The following CC2D2A variants were observed in gnomAD, a reference collection of about 807,000 sequenced individuals.
The protein encoded by CC2D2A is coiled-coil and C2 domain containing 2A, also known as coiled-coil and C2 domain-containing protein 2A.
CC2D2A carries 155 observed loss-of-function variants against 212.9 expected under a neutral mutation model. The ratio of observed to expected loss-of-function variants is 0.73; its 90% CI spans 0.64 to 0.83. The LOEUF (loss-of-function observed/expected upper bound fraction) is 0.83. Among genes scored for constraint, CC2D2A ranks in the 40% least tolerant of loss-of-function variants. The pLI is 0.00. For missense variants in CC2D2A, 1,856 were observed against 1,956.2 expected (o/e 0.95, Z 0.97); for synonymous variants, 667 against 686.5 (o/e 0.97, Z 0.44).
In CC2D2A at chr4:15,510,228, G is replaced by T; in HGVS notation, c.528G>T (p.Lys176Asn). The T allele has an allele frequency of 6.2e-7, 1 of 1,609,152 alleles. No individual in the cohort carries two copies. Among genetic ancestry groups the T allele is most frequent in the Non-Finnish European group, 8.5e-7 (1 of 1,178,630 alleles). ...VKFHDSARKI[K>N]PKPQVPPGFP... The stretch of plus-strand genomic sequence containing the variant: ...TCCATGATTCTGCACGAAAAATCAA[G>T]CCTAAACCCCAGGTGAGAAATCTTG... The change falls in exon 7 of 37, where the codon AAG (lysine) becomes AAT (asparagine). Residue 176 changes from lysine to asparagine, a missense_variant. Physicochemically the swap from Lys to Asn is moderately conservative, Grantham distance 94. Coordinates refer to ENST00000424120, the MANE Select transcript of CC2D2A (RefSeq NM_001378615.1).
At chr4:15,543,150 C>T (rs556569268) in intron 17 of CC2D2A, among the ~76,000 whole-genome samples, 1 of 152,092 alleles carries the variant, frequency 6.6e-6, no homozygotes, top group Non-Finnish European at 1.5e-5. Context: ...ATTTACAAAG[C>T]ACCAAGCATC....
chr4:15,585,602 T>A (rs564006476), intron 30 of CC2D2A, among the ~76,000 whole-genome samples: 10 of 152,286 alleles, frequency 6.6e-5, no homozygotes, highest in African/African-American at 2.4e-4. Flanking sequence ...TAATAATGTA[T>A]AGTATATTTC....
chr4:15,482,102 T>C, intron 4 of CC2D2A: 1 of 985,460 alleles, frequency 1.0e-6, no homozygotes, highest in Non-Finnish European at 1.2e-6. Flanking sequence ...ACATAATTGT[T>C]AGACTGTTTT....
rs368466911 is a variant in CC2D2A, at chr4:15,556,729, A to C, written c.2626-575A>C. On this transcript the variant is annotated intron_variant, in intron 20 of 36. Coordinates refer to ENST00000424120, the MANE Select transcript of CC2D2A (RefSeq NM_001378615.1). The stretch of plus-strand genomic sequence containing the variant: ...GCAGTCCACATCTGCTCAGCTTCTC[A>C]GAGGTGCCAGACTTGGCCTTCTTGA... Among the ~76,000 whole-genome samples, 232 of 152,298 alleles carry C rather than the reference A, an allele frequency of 1.5e-3. 2 individuals carry two copies. Among genetic ancestry groups the C allele is most frequent in the African/African-American group, 5.2e-3 (218 of 41,568 alleles).
chr4:15,516,582 C>T (rs370746121), intron 10 of CC2D2A, 43 bp from the exon 11 acceptor site: 62 of 1,579,978 alleles, frequency 3.9e-5, no homozygotes, highest in Non-Finnish European at 4.9e-5. Flanking sequence ...ATTTTCTGTT[C>T]GATTAGAAGA....
At chr4:15,565,124 C>T (rs1719822566) in intron 24 of CC2D2A, among the ~76,000 whole-genome samples, 1 of 152,222 alleles carries the variant, frequency 6.6e-6, no homozygotes, top group African/African-American at 2.4e-5. Flanking sequence ...GCATTGCTTT[C>T]CTGAGCTCAC....
chr4:15,556,296 G>A (rs1228639393), intron 20 of CC2D2A, among the ~76,000 whole-genome samples: 1 of 152,156 alleles, frequency 6.6e-6, no homozygotes, highest in Non-Finnish European at 1.5e-5. Flanking sequence ...TAGCCGGCAT[G>A]AACATTTTCA....
chr4:15,504,916 GAT>G (rs1296831873), intron 6 of CC2D2A, among the ~76,000 whole-genome samples: 1 of 152,162 alleles, frequency 6.6e-6, no homozygotes, highest in Non-Finnish European at 1.5e-5. Flanking sequence ...GAAGAGCACA[GAT>G]GCTGAACTTC....
intron 8 of CC2D2A, among the ~76,000 whole-genome samples, chr4:15,513,842 T>C (rs944965179): frequency 6.6e-6 from 1 of 152,248 alleles, no homozygotes; most frequent in Non-Finnish European, 1.5e-5. Flanking sequence ...GGTTTCTACA[T>C]AGATTCCCTT....
At chr4:15,567,182 C>G (rs1202058131) in intron 24 of CC2D2A, among the ~76,000 whole-genome samples, 195 bp from the exon 25 acceptor site, 2 of 151,994 alleles carry the variant, frequency 1.3e-5, no homozygotes, top group Admixed American at 6.6e-5. Flanking sequence ...ACTTGGGAGG[C>G]TGAGGTGGGA....
At chr4:15,470,962 G>C (rs1056353497) in intron 1 of CC2D2A, among the ~76,000 whole-genome samples, 2 of 151,802 alleles carry the variant, frequency 1.3e-5, no homozygotes, top group Non-Finnish European at 2.9e-5. Context: ...ATCCAGGGAG[G>C]GGCTTCCAGT....
intron 30 of CC2D2A, among the ~76,000 whole-genome samples, chr4:15,583,348 A>C (rs1720728534): frequency 6.6e-6 from 1 of 152,230 alleles, no homozygotes; most frequent in African/African-American, 2.4e-5. Context: ...GCAATGAGGC[A>C]AAAGAAATAA....
intron 19 of CC2D2A, among the ~76,000 whole-genome samples, chr4:15,553,918 T>C (rs886980742): frequency 3.3e-5 from 5 of 152,202 alleles, no homozygotes; most frequent in Non-Finnish European, 5.9e-5. Flanking sequence ...CATTTCACCA[T>C]TCCAGGCCTC....
At position 15,596,296 on chromosome 4, in the gene CC2D2A, G is replaced by A. The variant is rs1289084119; in HGVS notation, c.4437+89G>A. On this transcript the variant is annotated intron_variant, in intron 34 of 36. Coordinates refer to ENST00000424120, the MANE Select transcript of CC2D2A (RefSeq NM_001378615.1). ...ACAAGATATTTTTTACCCCTGGGTAGTCTAGAACAGTATTTGTTTATCAAA... is the reference window on the plus strand; with the variant it reads ...ACAAGATATTTTTTACCCCTGGGTAATCTAGAACAGTATTTGTTTATCAAA... The A allele has an allele frequency of 1.6e-5, 19 of 1,172,042 alleles. 1 individual carries two copies. In the South Asian group the frequency reaches 4.2e-4, roughly 26 times the overall value. 72.6% of individuals were successfully genotyped at this position (1,172,042 alleles called of 1,614,324 possible).
At chr4:15,505,763 G>A (rs564352693) in intron 6 of CC2D2A, among the ~76,000 whole-genome samples, 1 of 152,292 alleles carries the variant, frequency 6.6e-6, no homozygotes, top group East Asian at 1.9e-4. Flanking sequence ...TACTTCAAAG[G>A]AAACCATTGA....
intron 14 of CC2D2A, among the ~76,000 whole-genome samples, chr4:15,535,057 G>A (rs976771775): frequency 3.3e-5 from 5 of 151,886 alleles, no homozygotes; most frequent in African/African-American, 1.2e-4. Flanking sequence ...TGATCTTTGA[G>A]AGCAGGGACC....
At chr4:15,506,794 C>T (rs1716278088) in intron 6 of CC2D2A, among the ~76,000 whole-genome samples, 1 of 152,106 alleles carries the variant, frequency 6.6e-6, no homozygotes, top group South Asian at 2.1e-4. Context: ...AAATCCTAGG[C>T]CGGGTGCGGT....
At position 15,536,989 on chromosome 4, in the gene CC2D2A, G is replaced by C. The variant is rs1560170993; in HGVS notation, c.1677G>C (p.Leu559=). The change falls in exon 15 of 37, where the codon CTG becomes CTC. Residue 559 remains leucine, a synonymous_variant. Transcript: ENST00000424120. ...AAATTCAAGCTGAAATAAGTGAACTGTTAGAAGAGCACACGGAGGAGTACG... is the reference window on the plus strand; with the variant it reads ...AAATTCAAGCTGAAATAAGTGAACTCTTAGAAGAGCACACGGAGGAGTACG... ...EAEIQAEISE[L]LEEHTEEYAQ... is the part of the protein sequence containing the mutation. 1 of 1,613,712 alleles carries C rather than the reference G, an allele frequency of 6.2e-7. No homozygotes were observed. The highest frequency in any genetic ancestry group is 8.5e-7 in the Non-Finnish European group (1 of 1,179,780).
chr4:15,500,235 G>C (rs762580759), intron 4 of CC2D2A, among the ~76,000 whole-genome samples: 1 of 151,728 alleles, frequency 6.6e-6, no homozygotes, highest in South Asian at 2.1e-4. Context: ...CCATAGATCA[G>C]ATCTCTACAT....
Sources: allele counts gnomAD v4.1 joint callset (sites outside exome capture counted in the v4.1 genomes callset), GRCh38; gene constraint gnomAD v4.1.1; transcripts MANE v1.5; gene names NCBI Gene and HGNC (gene_info 2026-07-23, HGNC 2026-07-21).